The following EPHA5 variants were observed in gnomAD, a reference collection of about 807,000 sequenced individuals.
EPHA5 encodes the protein EPH receptor A5, also known as ephrin type-A receptor 5.
Under a neutral mutation model 105.0 loss-of-function variants are expected in EPHA5, and 60 were observed. The observed-to-expected ratio is 0.57, with a 90% CI of 0.46 to 0.71. EPHA5 has a LOEUF of 0.71. Among genes scored for constraint, EPHA5 ranks in the 30% least tolerant of loss-of-function variants. The pLI is 0.00. For missense variants in EPHA5, 1,218 were observed against 1,274.7 expected, an observed-to-expected ratio of 0.96 and a Z score of 0.68; for synonymous variants, 513 against 449.1, an observed-to-expected ratio of 1.14 and a Z score of -1.80.
intron 4 of EPHA5, among the ~76,000 whole-genome samples, chr4:65,492,025 G>A (rs1285076189): frequency 6.6e-6 from 1 of 152,118 alleles, no homozygotes; most frequent in Admixed American, 6.6e-5. Flanking sequence ...TAGTTGAATG[G>A]TTCATAAGCA....
chr4:65,414,544 G>T, intron 6 of EPHA5, 101 bp from the exon 7 acceptor site: 2 of 1,247,564 alleles, frequency 1.6e-6, no homozygotes, highest in South Asian at 1.4e-5. Context: ...AGAAACCAAA[G>T]GACTCTATTA....
chr4:65,379,928 A>G (rs911444365), intron 8 of EPHA5, among the ~76,000 whole-genome samples: 2 of 151,808 alleles, frequency 1.3e-5, no homozygotes, highest in African/African-American at 4.8e-5. Context: ...CTGAAGTTTA[A>G]CAATGGCCCC....
At chr4:65,435,624 T>A (rs979057768) in intron 5 of EPHA5, among the ~76,000 whole-genome samples, 8 of 152,098 alleles carry the variant, frequency 5.3e-5, no homozygotes, top group African/African-American at 1.9e-4. Context: ...CCGCTTGTTA[T>A]CTGAAAAATC....
At chr4:65,533,222 G>C (rs1735987568) in intron 3 of EPHA5, among the ~76,000 whole-genome samples, 1 of 151,900 alleles carries the variant, frequency 6.6e-6, no homozygotes, top group East Asian at 1.9e-4. Context: ...GCTGCTTAAG[G>C]CTTAAGGAAT....
At chr4:65,581,174 G>T (rs934336836) in intron 3 of EPHA5, among the ~76,000 whole-genome samples, 8 of 151,644 alleles carry the variant, frequency 5.3e-5, no homozygotes, top group African/African-American at 1.9e-4. Context: ...CTTTTCCTTT[G>T]TCTTGTCACT....
chr4:65,613,589 A>G (rs2149462984), intron 2 of EPHA5, among the ~76,000 whole-genome samples: 1 of 151,970 alleles, frequency 6.6e-6, no homozygotes, highest in African/African-American at 2.4e-5. Context: ...AGATTTTTTT[A>G]GCCACTTAGT....
At chr4:65,522,618 A>G (rs1734861482) in intron 3 of EPHA5, among the ~76,000 whole-genome samples, 1 of 151,858 alleles carries the variant, frequency 6.6e-6, no homozygotes, top group African/African-American at 2.4e-5. Flanking sequence ...CACTGCAGAG[A>G]CCTCTGCGCT....
intron 2 of EPHA5, among the ~76,000 whole-genome samples, chr4:65,626,605 A>G (rs1355975244): frequency 6.6e-6 from 1 of 152,196 alleles, no homozygotes; most frequent in Non-Finnish European, 1.5e-5. Flanking sequence ...TATATCAAGA[A>G]ATTAAGTTCA....
Position 65,348,683 on chromosome 4 carries a change from TATATATATATATATAA to T in EPHA5, c.2446-496_2446-481del, listed in dbSNP as rs1247964783. Among the ~76,000 whole-genome samples, 227 of 81,862 alleles carry T rather than the reference TATATATATATATATAA, an allele frequency of 2.8e-3. 9 individuals carry two copies. Among genetic ancestry groups the T allele is most frequent in the East Asian group, 0.022 (65 of 2,978 alleles). 53.7% of individuals were successfully genotyped at this position (81,862 alleles called of 152,430 possible). ...AGATATATATATATATATATATATA[TATATATATATATATAA>T]AATATATATGTGTGTGTATATATAT... On this transcript the variant is annotated intron_variant, in intron 13 of 16. Coordinates refer to ENST00000613740, the MANE Select transcript of EPHA5 (RefSeq NM_001281766.3).
intron 11 of EPHA5, among the ~76,000 whole-genome samples, chr4:65,361,431 G>A (rs1182646706): frequency 6.6e-6 from 1 of 151,612 alleles, no homozygotes; most frequent in African/African-American, 2.4e-5. Context: ...ATGCATTTTG[G>A]TTGATTTGTT....
At chr4:65,531,133 G>T (rs1735749100) in intron 3 of EPHA5, among the ~76,000 whole-genome samples, 1 of 151,080 alleles carries the variant, frequency 6.6e-6, no homozygotes, top group African/African-American at 2.4e-5. Flanking sequence ...CGCTTCCCGG[G>T]TTCACGCCAT....
chr4:65,367,913 A>G lies in EPHA5; in HGVS notation c.1794-489T>C, dbSNP rs1316263312. ...GCTCCACTGGCTGTTTTCCACTCACATCCACCCAGAAAACTATGAAATTCA... is the reference window on the plus strand; with the variant it reads ...GCTCCACTGGCTGTTTTCCACTCACGTCCACCCAGAAAACTATGAAATTCA... On this transcript the variant is annotated intron_variant, in intron 8 of 16. Transcript: ENST00000613740. Among the ~76,000 whole-genome samples, 3 of 151,940 alleles carry G rather than the reference A, an allele frequency of 2.0e-5. No homozygotes were observed. The East Asian group carries it at 5.8e-4, about 29-fold the overall frequency.
At chr4:65,529,913 T>A (rs1735605161) in intron 3 of EPHA5, among the ~76,000 whole-genome samples, 1 of 152,108 alleles carries the variant, frequency 6.6e-6, no homozygotes, top group African/African-American at 2.4e-5. Flanking sequence ...ATCGAAATTA[T>A]ACACATTGGA....
At chr4:65,442,126 C>A (rs993565987) in intron 5 of EPHA5, among the ~76,000 whole-genome samples, 1 of 151,702 alleles carries the variant, frequency 6.6e-6, no homozygotes, top group Non-Finnish European at 1.5e-5. Flanking sequence ...TTTGTGCCAC[C>A]CCCCCGCCAC....
intron 1 of EPHA5, 122 bp from the exon 2 acceptor site, chr4:65,643,549 G>C (rs1747853296): frequency 9.9e-6 from 7 of 710,004 alleles, no homozygotes; most frequent in Non-Finnish European, 1.7e-5. Context: ...TGTTCATTAT[G>C]ATGAATACAA....
At position 65,628,861 on chromosome 4, in the gene EPHA5, C is replaced by T. The variant is rs538805608; in HGVS notation, c.246+14502G>A. ...TAATCAACCAAAGTCCATGCATGCC[C>T]AATATACAAAACTCTCTTAAATTTT... On this transcript the variant is annotated intron_variant, in intron 2 of 16. Coordinates refer to ENST00000613740, the MANE Select transcript of EPHA5 (RefSeq NM_001281766.3). Among the ~76,000 whole-genome samples, 5 of 152,186 alleles carry T rather than the reference C, an allele frequency of 3.3e-5. No individual in the cohort carries two copies. In the East Asian group the frequency reaches 9.7e-4, roughly 29 times the overall value.
At chr4:65,498,039 A>G (rs1374162769) in intron 3 of EPHA5, among the ~76,000 whole-genome samples, 1 of 151,962 alleles carries the variant, frequency 6.6e-6, no homozygotes, top group Non-Finnish European at 1.5e-5. Context: ...ATTAAAGGAG[A>G]TTTCCCTCAG....
intron 3 of EPHA5, among the ~76,000 whole-genome samples, chr4:65,537,435 C>A (rs1736395650): frequency 6.6e-6 from 1 of 151,834 alleles, no homozygotes; most frequent in Middle Eastern, 3.4e-3. Flanking sequence ...GTAGCAAAAC[C>A]TGCCAGAGAA....
At chr4:65,397,607 C>A (rs1474361025) in intron 8 of EPHA5, among the ~76,000 whole-genome samples, 1 of 127,392 alleles carries the variant, frequency 7.8e-6, no homozygotes, top group Non-Finnish European at 1.8e-5. Flanking sequence ...TTTTAGATTT[C>A]TAGTTTTTTT....
Sources: allele counts gnomAD v4.1 joint callset (sites outside exome capture counted in the v4.1 genomes callset), GRCh38; gene constraint gnomAD v4.1.1; transcripts MANE v1.5; gene names NCBI Gene and HGNC (gene_info 2026-07-23, HGNC 2026-07-21).